Variants in CACNA2D3 observed in about 807,000 individuals in gnomAD.
CACNA2D3 encodes voltage-dependent calcium channel subunit alpha-2/delta-3.
Under a neutral mutation model 160.6 loss-of-function variants are expected in CACNA2D3, and 60 were observed. The ratio of observed to expected loss-of-function variants is 0.37; its 90% CI spans 0.30 to 0.46. CACNA2D3 has a LOEUF of 0.46. CACNA2D3 is among the 20% of genes least tolerant of loss of function. The probability of loss-of-function intolerance (pLI) is 1.00; values close to 1 mark genes in which losing one functional copy is unlikely to be tolerated. For synonymous variants in CACNA2D3, 558 were observed against 492.9 expected (o/e 1.13, Z -1.75); for missense variants, 1,205 against 1,365.0 (o/e 0.88, Z 1.85).
intron 17 of CACNA2D3, among the ~76,000 whole-genome samples, chr3:54,859,972 G>GCGCGCGCGCACACACACACACACACACA (rs535185040): frequency 4.5e-5 from 6 of 133,788 alleles, no homozygotes; most frequent in African/African-American, 1.4e-4. Context: ...GAAAGTAGAT[G>GCGCGCGCGCACACACACACACACACACA]CACACACACA....
chr3:54,277,854 A>G (rs1702782337), intron 2 of CACNA2D3, among the ~76,000 whole-genome samples: 1 of 152,154 alleles, frequency 6.6e-6, no homozygotes, highest in African/African-American at 2.4e-5. Context: ...ATCCCTTGTA[A>G]GTTGTATTCC....
At chr3:54,464,153 C>T (rs181989628) in intron 4 of CACNA2D3, among the ~76,000 whole-genome samples, 4,106 of 152,158 alleles carry the variant, frequency 0.027, 187 homozygotes, top group African/African-American at 0.093. Context: ...GAGGAGTACC[C>T]AGCCGTGTGA....
intron 3 of CACNA2D3, among the ~76,000 whole-genome samples, chr3:54,369,553 G>C (rs1428490664): frequency 6.6e-6 from 1 of 152,140 alleles, no homozygotes; most frequent in Non-Finnish European, 1.5e-5. Flanking sequence ...CTTTTATTTA[G>C]GATGAATCTC....
intron 5 of CACNA2D3, among the ~76,000 whole-genome samples, chr3:54,545,255 C>G (rs1020704687): frequency 3.3e-5 from 5 of 152,158 alleles, no homozygotes; most frequent in Non-Finnish European, 7.4e-5. Context: ...CAACCCTTGA[C>G]TTTAAAGCAT....
intron 5 of CACNA2D3, among the ~76,000 whole-genome samples, chr3:54,535,026 G>A (rs1575508517): frequency 6.6e-6 from 1 of 152,186 alleles, no homozygotes; most frequent in African/African-American, 2.4e-5. Context: ...TGACCCATTT[G>A]CCACTACTGA....
At chr3:54,441,847 T>C (rs866592708) in intron 4 of CACNA2D3, among the ~76,000 whole-genome samples, 12 of 152,234 alleles carry the variant, frequency 7.9e-5, no homozygotes, top group African/African-American at 1.9e-4. Flanking sequence ...ATGATATATT[T>C]GATTGGCATG....
Position 54,402,019 on chromosome 3 carries a change from GTGTT to G in CACNA2D3, c.381+15249_381+15252del, listed in dbSNP as rs555309504. 2.9e-3 allele frequency among the ~76,000 whole-genome samples: 440 copies of G among 152,228 alleles called. 1 individual carries two copies. Among genetic ancestry groups the G allele is most frequent in the Middle Eastern group, 0.01 (3 of 294 alleles). On this transcript the variant is annotated intron_variant, in intron 4 of 37. Coordinates refer to ENST00000474759, the MANE Select transcript of CACNA2D3 (RefSeq NM_018398.3). ...TGTTGGGAGAGGGCAAAAGTCAAGA[GTGTT>G]TGTATGAGAATGAAATTAAGTTGTT...
At chr3:54,324,950 A>G (rs1242129728) in intron 3 of CACNA2D3, among the ~76,000 whole-genome samples, 2 of 152,030 alleles carry the variant, frequency 1.3e-5, no homozygotes, top group Non-Finnish European at 1.5e-5. Context: ...GGCAAATTTG[A>G]CACCACTCCC....
intron 11 of CACNA2D3, among the ~76,000 whole-genome samples, chr3:54,720,099 G>A (rs1200023218): frequency 6.6e-6 from 1 of 151,604 alleles, no homozygotes; most frequent in Non-Finnish European, 1.5e-5. Flanking sequence ...TAACTTTTTG[G>A]CATTGTACAT....
At chr3:54,362,834 C>T (rs1698765485) in intron 3 of CACNA2D3, among the ~76,000 whole-genome samples, 1 of 152,168 alleles carries the variant, frequency 6.6e-6, no homozygotes, top group South Asian at 2.1e-4. Context: ...AATGTCAGTT[C>T]AGGAACTGTT....
chr3:54,582,351 T>A, intron 9 of CACNA2D3, among the ~76,000 whole-genome samples: 1 of 152,174 alleles, frequency 6.6e-6, no homozygotes, highest in Non-Finnish European at 1.5e-5. Flanking sequence ...GTGCCAAGCA[T>A]TGCCTGTTCC....
chr3:55,020,892 T>G (rs751996000), intron 35 of CACNA2D3, among the ~76,000 whole-genome samples: 7 of 152,142 alleles, frequency 4.6e-5, no homozygotes, highest in Non-Finnish European at 8.8e-5. Flanking sequence ...ATTGCTGGAT[T>G]CAATTTACTT....
intron 27 of CACNA2D3, chr3:54,927,879 T>G (rs767206146): frequency 6.2e-7 from 1 of 1,613,474 alleles, no homozygotes. Context: ...CAAGAACTTT[T>G]CCAACGGGAA....
chr3:54,386,985 A>G (rs1021336596), intron 4 of CACNA2D3, among the ~76,000 whole-genome samples: 1 of 152,208 alleles, frequency 6.6e-6, no homozygotes, highest in Non-Finnish European at 1.5e-5. Context: ...AAACACTCAC[A>G]TGTGTGTAAT....
intron 11 of CACNA2D3, among the ~76,000 whole-genome samples, chr3:54,689,604 T>C (rs1486207196): frequency 6.6e-6 from 1 of 152,134 alleles, no homozygotes; most frequent in Non-Finnish European, 1.5e-5. Flanking sequence ...AGCAAAACCC[T>C]CCTTCTCACT....
intron 2 of CACNA2D3, among the ~76,000 whole-genome samples, chr3:54,126,284 AT>A: frequency 6.6e-6 from 1 of 152,302 alleles, no homozygotes; most frequent in Middle Eastern, 3.4e-3. Flanking sequence ...CCATGCATCT[AT>A]TTTAAGGTGT....
At chr3:54,123,965 G>T (rs1699533833) in intron 2 of CACNA2D3, among the ~76,000 whole-genome samples, 1 of 152,172 alleles carries the variant, frequency 6.6e-6, no homozygotes, top group Non-Finnish European at 1.5e-5. Context: ...TGCCTATTTT[G>T]TGATGCCTTT....
At chr3:54,234,629 T>G (rs1000967868) in intron 2 of CACNA2D3, among the ~76,000 whole-genome samples, 1 of 151,988 alleles carries the variant, frequency 6.6e-6, no homozygotes, top group Non-Finnish European at 1.5e-5. Flanking sequence ...CAATGATAGA[T>G]TGGATAAAGA....
intron 2 of CACNA2D3, among the ~76,000 whole-genome samples, chr3:54,177,408 G>A (rs1700698026): frequency 6.6e-6 from 1 of 152,180 alleles, no homozygotes; most frequent in South Asian, 2.1e-4. Flanking sequence ...AACAGAAATG[G>A]TAGGTAGAAC....
Sources: allele counts gnomAD v4.1 joint callset (sites outside exome capture counted in the v4.1 genomes callset), GRCh38; gene constraint gnomAD v4.1.1; transcripts MANE v1.5; gene names NCBI Gene and HGNC (gene_info 2026-07-23, HGNC 2026-07-21).